The following ZNF521 variants were observed in gnomAD, a reference collection of about 807,000 sequenced individuals.
ZNF521 encodes the protein LYST-interacting protein 3.
In ZNF521, 14 loss-of-function variants were observed where a neutral mutation model predicts 105.5. The ratio of observed to expected loss-of-function variants is 0.13; its 90% CI spans 0.09 to 0.21. ZNF521 has a LOEUF of 0.21. ZNF521 is among the 10% of genes least tolerant of loss of function. The pLI, the probability that ZNF521 is intolerant of heterozygous loss-of-function variation, is 1.00. For missense variants in ZNF521, 1,233 were observed against 1,629.7 expected, an observed-to-expected ratio of 0.76 and a Z score of 4.19; for synonymous variants, 635 against 606.0, an observed-to-expected ratio of 1.05 and a Z score of -0.70.
chr18:25,200,555 C>A (rs962991787), intron 4 of ZNF521, among the ~76,000 whole-genome samples: 2 of 152,130 alleles, frequency 1.3e-5, no homozygotes, highest in Non-Finnish European at 2.9e-5. Flanking sequence ...ATCTAAGACA[C>A]TCTCCATTCA....
At chr18:25,081,778 G>A (rs978574740) in intron 7 of ZNF521, among the ~76,000 whole-genome samples, 1 of 152,164 alleles carries the variant, frequency 6.6e-6, no homozygotes, top group African/African-American at 2.4e-5. Flanking sequence ...CATTATGAAT[G>A]CTATACAACT....
chr18:25,173,309 A>T (rs946379684), intron 5 of ZNF521, among the ~76,000 whole-genome samples: 26 of 152,196 alleles, frequency 1.7e-4, no homozygotes, highest in Admixed American at 1.6e-3. Context: ...AAATGCAGTC[A>T]CTTCCTGATT....
At chr18:25,140,646 AT>A (rs1352634146) in intron 5 of ZNF521, among the ~76,000 whole-genome samples, 3 of 152,210 alleles carry the variant, frequency 2.0e-5, no homozygotes, top group Non-Finnish European at 4.4e-5. Context: ...TTTTCAACAC[AT>A]GGGGAGACAG....
intron 7 of ZNF521, among the ~76,000 whole-genome samples, chr18:25,068,803 C>A (rs1371671253): frequency 6.6e-6 from 1 of 152,312 alleles, no homozygotes; most frequent in Middle Eastern, 3.4e-3. Context: ...CTGGCTCCTT[C>A]CCCGTTCCCA....
At chr18:25,250,552 C>G (rs1908042446) in intron 3 of ZNF521, among the ~76,000 whole-genome samples, 1 of 152,200 alleles carries the variant, frequency 6.6e-6, no homozygotes, top group Non-Finnish European at 1.5e-5. Flanking sequence ...CTGTAATAAT[C>G]TTTCACCTAT....
intron 7 of ZNF521, among the ~76,000 whole-genome samples, chr18:25,085,247 AAT>A (rs1436627436): frequency 3.3e-5 from 5 of 149,646 alleles, no homozygotes; most frequent in Non-Finnish European, 5.9e-5. Context: ...ATATAAGTAT[AAT>A]ATGATATAAT....
At chr18:25,272,683 G>A (rs191023371) in intron 3 of ZNF521, among the ~76,000 whole-genome samples, 3 of 152,072 alleles carry the variant, frequency 2.0e-5, no homozygotes, top group African/African-American at 7.2e-5. Flanking sequence ...AACACTGCAT[G>A]TTATCAGTCA....
rs766941561 is a variant in ZNF521, at chr18:25,227,732, A to T, written c.221-35T>A. ...GAAGCAATGACAAATTTCATCTGAC[A>T]TGTTGAGATTCAAGAGTGAGTTTAC... is the stretch of plus-strand genomic sequence containing the variant. On this transcript the variant is annotated intron_variant, in intron 3 of 7. Transcript: ENST00000361524. The surrounding 1 kb of genome is among the most constrained non-coding windows in gnomAD (Gnocchi z 5.7). 5.1e-6 allele frequency: 8 copies of T among 1,560,950 alleles called. No individual in the cohort carries two copies. In the African/African-American group the frequency reaches 1.1e-4, roughly 21 times the overall value.
intron 7 of ZNF521, among the ~76,000 whole-genome samples, chr18:25,088,836 T>TAG (rs780566499): frequency 2.2e-4 from 33 of 152,300 alleles, no homozygotes; most frequent in African/African-American, 6.0e-4. Flanking sequence ...AACAGCCCTA[T>TAG]AAGTGTGATG....
At chr18:25,177,221 G>A (rs1256885255) in intron 5 of ZNF521, among the ~76,000 whole-genome samples, 1 of 152,140 alleles carries the variant, frequency 6.6e-6, no homozygotes, top group African/African-American at 2.4e-5. Context: ...AAAATCAGGG[G>A]AGAGTATCTT....
At chr18:25,081,993 A>C (rs1401515111) in intron 7 of ZNF521, among the ~76,000 whole-genome samples, 1 of 152,208 alleles carries the variant, frequency 6.6e-6, no homozygotes, top group African/African-American at 2.4e-5. Context: ...AAAGTGATCA[A>C]AACTAATGGT....
At chr18:25,253,148 T>C (rs908523832) in intron 3 of ZNF521, among the ~76,000 whole-genome samples, 1 of 152,178 alleles carries the variant, frequency 6.6e-6, no homozygotes, top group Non-Finnish European at 1.5e-5. Context: ...TACTTGTTCA[T>C]AAATCAAATC....
At chr18:25,116,435 A>G (rs2034303391) in intron 5 of ZNF521, among the ~76,000 whole-genome samples, 1 of 152,218 alleles carries the variant, frequency 6.6e-6, no homozygotes, top group South Asian at 2.1e-4. Context: ...AAAACTAACA[A>G]AAGGTAACCC....
At position 25,209,712 on chromosome 18, in the gene ZNF521, C is replaced by A. The variant is rs572695516; in HGVS notation, c.3574-14468G>T. On this transcript the variant is annotated intron_variant, in intron 4 of 7. Coordinates refer to ENST00000361524, the MANE Select transcript of ZNF521 (RefSeq NM_015461.3). ...TATTTCTCCAAGATGTTGTTAACTC[C>A]CTTGCAATCCAATAATACTATTGAG... Among the ~76,000 whole-genome samples, 28 of 152,242 alleles carry A rather than the reference C, an allele frequency of 1.8e-4. No individual in the cohort carries two copies. The East Asian group carries it at 5.0e-3, about 27-fold the overall frequency.
At chr18:25,248,640 C>A (rs141341401) in intron 3 of ZNF521, among the ~76,000 whole-genome samples, 84 of 152,232 alleles carry the variant, frequency 5.5e-4, no homozygotes, top group Non-Finnish European at 9.4e-4. Context: ...AGATAAAGAA[C>A]CTTTACACAC....
chr18:25,175,289 G>C lies in ZNF521; in HGVS notation c.3658+19871C>G, dbSNP rs778343952. Reference sequence around the variant, plus strand: ...CAGGGAAACCTCACTGGAATCCATGGGGGTCAGGGAAGTAATAAGAAATCA... The same window carrying C: ...CAGGGAAACCTCACTGGAATCCATGCGGGTCAGGGAAGTAATAAGAAATCA... On this transcript the variant is annotated intron_variant, in intron 5 of 7. Transcript: ENST00000361524. Among the ~76,000 whole-genome samples the C allele has an allele frequency of 5.9e-5, 9 of 152,168 alleles. 1 individual carries two copies. The highest frequency in any genetic ancestry group is 9.7e-5 in the African/African-American group (4 of 41,426).
intron 7 of ZNF521, 139 bp from the exon 8 acceptor site, chr18:25,062,880 G>GA (rs11406899): frequency 0.23 from 194,960 of 846,412 alleles, 28,658 homozygotes; most frequent in East Asian, 0.56. Context: ...ACAGAACAAT[G>GA]AGTTTCTGCC....
chr18:25,250,332 TC>T (rs1908026883), intron 3 of ZNF521, among the ~76,000 whole-genome samples: 1 of 152,242 alleles, frequency 6.6e-6, no homozygotes, highest in Admixed American at 6.5e-5. Flanking sequence ...GAGCCATCCC[TC>T]AGCTTTCAGC....
At chr18:25,292,496 GACTA>G (rs1350205269) in intron 3 of ZNF521, among the ~76,000 whole-genome samples, 2 of 152,120 alleles carry the variant, frequency 1.3e-5, no homozygotes, top group East Asian at 1.9e-4. Flanking sequence ...GTAACATCAT[GACTA>G]ACTGTGTTTT....
Sources: gnomAD v4.1 joint callset for allele counts (sites outside exome capture counted in the v4.1 genomes callset) on GRCh38, gnomAD v4.1.1 for gene constraint, Gnocchi (gnomAD v3.1) non-coding constraint, MANE v1.5 for transcripts, NCBI Gene and HGNC (gene_info 2026-07-23, HGNC 2026-07-21) for gene names.